Variants in PPP2CA observed in about 807,000 individuals in gnomAD.
The protein encoded by PPP2CA is protein phosphatase 2 catalytic subunit alpha.
Under a neutral mutation model 38.8 loss-of-function variants are expected in PPP2CA, and 5 were observed. That is an observed-to-expected ratio of 0.13 (90% CI 0.07 to 0.27). The LOEUF is 0.27. Ranked by LOEUF, PPP2CA falls within the 10% of genes least tolerant of loss-of-function variation. The probability of loss-of-function intolerance (pLI) is 1.00; values close to 1 mark genes in which losing one functional copy is unlikely to be tolerated. For synonymous variants in PPP2CA, 152 were observed against 134.0 expected, an observed-to-expected ratio of 1.13 and a Z score of -0.93; for missense variants, 88 against 389.7, an observed-to-expected ratio of 0.23 and a Z score of 6.52.
At chr5:134,216,211 T>C (rs1762316420) in intron 1 of PPP2CA, among the ~76,000 whole-genome samples, 1 of 152,288 alleles carries the variant, frequency 6.6e-6, no homozygotes, top group African/African-American at 2.4e-5. Context: ...GGGATCATGA[T>C]GTAACTAAAA....
intron 1 of PPP2CA, among the ~76,000 whole-genome samples, chr5:134,220,437 C>T (rs147830084): frequency 1.8e-5 from 2 of 109,140 alleles, no homozygotes; most frequent in African/African-American, 7.2e-5. Flanking sequence ...CCAGCCTGGG[C>T]GACTGTGAGA....
chr5:134,200,950 T>G, intron 4 of PPP2CA, 35 bp downstream of exon 4: 1 of 1,520,276 alleles, frequency 6.6e-7, no homozygotes, highest in Non-Finnish European at 9.1e-7. Flanking sequence ...CCCTAATAAG[T>G]TTTCTGAAAG....
chr5:134,213,505 G>T (rs568481385), intron 1 of PPP2CA, among the ~76,000 whole-genome samples: 1 of 150,196 alleles, frequency 6.7e-6, no homozygotes, highest in Admixed American at 6.6e-5. Context: ...TAAAATATTA[G>T]CTGGGCATAG....
intron 1 of PPP2CA, among the ~76,000 whole-genome samples, chr5:134,221,081 T>C (rs748011875): frequency 6.6e-6 from 1 of 152,080 alleles, no homozygotes; most frequent in Non-Finnish European, 1.5e-5. Flanking sequence ...TGCATGACAT[T>C]TGACTGTGGA....
At chr5:134,203,039 A>T (rs1762002023) in intron 2 of PPP2CA, among the ~76,000 whole-genome samples, 1 of 151,960 alleles carries the variant, frequency 6.6e-6, no homozygotes, top group African/African-American at 2.4e-5. Flanking sequence ...TAAAATATCT[A>T]TTCAAATATT....
intron 1 of PPP2CA, chr5:134,225,342 G>C (rs1354207244): frequency 1.1e-5 from 2 of 176,584 alleles, no homozygotes; most frequent in South Asian, 1.0e-4. Context: ...GGGCAGCTCT[G>C]GACCTAACTA....
chr5:134,218,743 A>G (rs1762373715), intron 1 of PPP2CA, among the ~76,000 whole-genome samples: 1 of 150,302 alleles, frequency 6.7e-6, no homozygotes, highest in South Asian at 2.1e-4. Context: ...ATCTCGGCTC[A>G]CTGCAACCTC....
intron 1 of PPP2CA, among the ~76,000 whole-genome samples, chr5:134,215,227 T>C (rs984593185): frequency 2.9e-4 from 44 of 151,240 alleles, no homozygotes; most frequent in Non-Finnish European, 5.5e-4. Context: ...CCTCACAGAG[T>C]AGCTAGAACC....
intron 1 of PPP2CA, chr5:134,224,259 C>T (rs1481867893): frequency 2.2e-6 from 1 of 454,630 alleles, no homozygotes; most frequent in East Asian, 6.9e-5. Flanking sequence ...ATACCAACCT[C>T]ATTTGACGTG....
At chr5:134,224,330 T>C (rs1762513923) in intron 1 of PPP2CA, 2 of 454,958 alleles carry the variant, frequency 4.4e-6, no homozygotes, top group Non-Finnish European at 8.8e-6. Context: ...CTCCAACAGA[T>C]GATGTGCCAC....
At chr5:134,219,942 C>CA (rs369328787) in intron 1 of PPP2CA, among the ~76,000 whole-genome samples, 89 of 137,836 alleles carry the variant, frequency 6.5e-4, no homozygotes, top group African/African-American at 2.4e-3. Context: ...ACGTGGGAGA[C>CA]AAAGGTTGCA....
chr5:134,225,996 G>A lies in PPP2CA; in HGVS notation c.-135C>T, dbSNP rs1039445110. On this transcript the variant is annotated 5_prime_UTR_variant, in exon 1 of 7. Transcript: ENST00000481195. ...TGTTGAGGCTGGCGCTGGCCCGCTG[G>A]CTCTCACCGCAGTACTCGGCCGTCG... The A allele has an allele frequency of 9.6e-6, 7 of 725,700 alleles. No individual in the cohort carries two copies. Among genetic ancestry groups the A allele is most frequent in the African/African-American group, 1.9e-5 (1 of 53,950 alleles). 45.0% of individuals were successfully genotyped at this position (725,700 alleles called of 1,614,324 possible).
At position 134,216,557 on chromosome 5, in the gene PPP2CA, A is replaced by AAAAAAAAAAG. The variant is rs57520870; in HGVS notation, c.102+9202_102+9203insCTTTTTTTTT. 1.1e-4 allele frequency among the ~76,000 whole-genome samples: 12 copies of AAAAAAAAAAG among 111,132 alleles called. 3 individuals are homozygous for AAAAAAAAAAG. Among genetic ancestry groups the AAAAAAAAAAG allele is most frequent in the African/African-American group, 1.4e-4 (4 of 28,246 alleles). The allele number at this position is 111,132 out of a possible 152,430, so 72.9% of individuals were successfully genotyped here. A position where few individuals can be genotyped will look rare whatever the true frequency, so the allele number is the denominator to read the frequency against. On this transcript the variant is annotated intron_variant, in intron 1 of 6. Coordinates refer to ENST00000481195, the MANE Select transcript of PPP2CA (RefSeq NM_002715.4). ...TGCCTCAAAAAAAAAAAAAAAAAAA[A>AAAAAAAAAAG]GTGGTTTCCTTCAAAAGAAGGTAGT...
At chr5:134,212,413 C>A (rs760003982) in intron 1 of PPP2CA, among the ~76,000 whole-genome samples, 1 of 152,196 alleles carries the variant, frequency 6.6e-6, no homozygotes, top group Non-Finnish European at 1.5e-5. Flanking sequence ...CTGTGGGGCA[C>A]TACCAACCGT....
intron 2 of PPP2CA, chr5:134,205,696 A>T (rs530830907): frequency 1.7e-5 from 8 of 461,338 alleles, no homozygotes; most frequent in East Asian, 1.6e-4. Context: ...TTTTTCAAAC[A>T]ATCTGACTGA....
At chr5:134,214,696 A>G (rs1375084247) in intron 1 of PPP2CA, among the ~76,000 whole-genome samples, 2 of 152,178 alleles carry the variant, frequency 1.3e-5, no homozygotes, top group Non-Finnish European at 2.9e-5. Context: ...GATCATTAAG[A>G]GCTAGATGAT....
chr5:134,204,909 CTTT>C (rs1175093595), intron 2 of PPP2CA, among the ~76,000 whole-genome samples: 1 of 148,912 alleles, frequency 6.7e-6, no homozygotes, highest in Non-Finnish European at 1.5e-5. Context: ...CAGAAAAATT[CTTT>C]TTTTTCTTGA....
Position 134,200,491 on chromosome 5 carries a change from T to G in PPP2CA, c.582A>C (p.Pro194=). The G allele has an allele frequency of 6.2e-7, 1 of 1,607,334 alleles. No individual in the cohort carries two copies. Among genetic ancestry groups the G allele is most frequent in the Non-Finnish European group, 8.5e-7 (1 of 1,178,224 alleles). Residue 194 remains proline (P), a synonymous_variant, in exon 5 of 7, where the codon CCA becomes CCC. Transcript: ENST00000481195. ...GATCTGACCACAGCAAGTCACACAT[T>G]GGACCCTAAAAAATAACTTCAAGTT... ...DRLQEVPHEG[P]MCDLLWSDPD... is the part of the protein sequence containing the mutation.
intron 6 of PPP2CA, 25 bp downstream of exon 6, chr5:134,199,061 A>G: frequency 4.5e-6 from 7 of 1,547,524 alleles, no homozygotes; most frequent in Non-Finnish European, 6.3e-6. Context: ...GTAATGCAAG[A>G]AAATGTTCAG....
Sources: gnomAD v4.1 joint callset for allele counts (sites outside exome capture counted in the v4.1 genomes callset) on GRCh38, gnomAD v4.1.1 for gene constraint, MANE v1.5 for transcripts, NCBI Gene and HGNC (gene_info 2026-07-23, HGNC 2026-07-21) for gene names.